Variants in TNFSF4 observed in about 807,000 individuals in gnomAD.
TNFSF4 encodes TNF superfamily member 4, also known as tumor necrosis factor ligand superfamily member 4.
TNFSF4 carries 4 observed loss-of-function variants against 7.3 expected under a neutral mutation model. The ratio of observed to expected loss-of-function variants is 0.55; its 90% confidence interval spans 0.27 to 1.25. TNFSF4 has a LOEUF of 1.25. Among genes scored for constraint, TNFSF4 ranks in the 50% most tolerant of loss-of-function variants. The pLI is 0.12. For missense variants in TNFSF4, 181 were observed against 208.8 expected, an observed-to-expected ratio of 0.87 and a Z score of 0.82; for synonymous variants, 76 against 83.7, an observed-to-expected ratio of 0.91 and a Z score of 0.50.
chr1:173,432,278 G>A, the TNFSF4 span, among the ~76,000 whole-genome samples: 2 of 152,216 alleles, frequency 1.3e-5, no homozygotes, highest in African/African-American at 4.8e-5. Context: ...ATCCAAACCA[G>A]AGTGTTATGA....
chr1:173,180,752 G>GTTTTT (rs1649042609), downstream of TNFSF4, among the ~76,000 whole-genome samples: 1 of 152,146 alleles, frequency 6.6e-6, no homozygotes, highest in Non-Finnish European at 1.5e-5. Context: ...AAATAATTTG[G>GTTTTT]TATATTTTAT....
chr1:173,314,713 T>C, the TNFSF4 span, among the ~76,000 whole-genome samples: 27 of 152,152 alleles, frequency 1.8e-4, no homozygotes, highest in Non-Finnish European at 3.8e-4. Context: ...AATTACTGAA[T>C]ATTTGATAAT....
At chr1:173,215,621 A>G in the TNFSF4 span, among the ~76,000 whole-genome samples, 3 of 152,234 alleles carry the variant, frequency 2.0e-5, no homozygotes, top group Admixed American at 6.5e-5. Context: ...CAAAACAAAC[A>G]AACAAAAAAC....
the TNFSF4 span, among the ~76,000 whole-genome samples, chr1:173,427,615 T>C: frequency 3.3e-5 from 5 of 152,226 alleles, no homozygotes; most frequent in Non-Finnish European, 7.3e-5. Flanking sequence ...AACCTGACTC[T>C]GATAAGTCTC....
At chr1:173,211,954 G>GA (rs1387296699), upstream of TNFSF4, among the ~76,000 whole-genome samples, 4 of 152,098 alleles carry the variant, frequency 2.6e-5, no homozygotes, top group African/African-American at 9.6e-5. Flanking sequence ...AACTTGTAAG[G>GA]AAAAAAAGGT....
the TNFSF4 span, among the ~76,000 whole-genome samples, chr1:173,225,886 G>T: frequency 6.6e-6 from 1 of 152,184 alleles, no homozygotes; most frequent in South Asian, 2.1e-4. Flanking sequence ...ACCAACTACA[G>T]ATATGAAGGA....
At chr1:173,326,110 A>C in the TNFSF4 span, among the ~76,000 whole-genome samples, 7 of 152,218 alleles carry the variant, frequency 4.6e-5, no homozygotes, top group Admixed American at 1.3e-4. Flanking sequence ...TGATGCAAAA[A>C]TCCTCAATAA....
the TNFSF4 span, among the ~76,000 whole-genome samples, chr1:173,353,780 T>C: frequency 1.3e-5 from 2 of 152,214 alleles, no homozygotes; most frequent in Non-Finnish European, 2.9e-5. Flanking sequence ...GTGAAAAACA[T>C]GTTTCTTTGG....
chr1:173,292,767 T>A, the TNFSF4 span, among the ~76,000 whole-genome samples: 1 of 151,866 alleles, frequency 6.6e-6, no homozygotes, highest in African/African-American at 2.4e-5. Flanking sequence ...GCCAAAAGGG[T>A]CCTAGAACTG....
At chr1:173,330,187 G>C in the TNFSF4 span, among the ~76,000 whole-genome samples, 5 of 151,930 alleles carry the variant, frequency 3.3e-5, no homozygotes, top group East Asian at 7.7e-4. Context: ...CTGTTCAAAA[G>C]CAATTCAACA....
At chr1:173,313,001 C>A in the TNFSF4 span, among the ~76,000 whole-genome samples, 1 of 152,104 alleles carries the variant, frequency 6.6e-6, no homozygotes, top group African/African-American at 2.4e-5. Context: ...AGATGCACAG[C>A]CCTGAGCAAG....
chr1:173,439,558 C>G, the TNFSF4 span, among the ~76,000 whole-genome samples: 2 of 152,148 alleles, frequency 1.3e-5, no homozygotes, highest in Non-Finnish European at 2.9e-5. Flanking sequence ...AGCCTGTGGC[C>G]TCAATCCTGC....
the TNFSF4 span, among the ~76,000 whole-genome samples, chr1:173,369,837 CT>C: frequency 2.6e-5 from 4 of 151,054 alleles, no homozygotes; most frequent in African/African-American, 7.3e-5. Flanking sequence ...TATGTCCAAG[CT>C]TTTTTTTTCA....
chr1:173,390,298 T>C, the TNFSF4 span, among the ~76,000 whole-genome samples: 1 of 152,208 alleles, frequency 6.6e-6, no homozygotes, highest in African/African-American at 2.4e-5. Context: ...TTTGTAGGTC[T>C]CTATGCATTG....
chr1:173,275,059 T>G, the TNFSF4 span, among the ~76,000 whole-genome samples: 1 of 152,162 alleles, frequency 6.6e-6, no homozygotes, highest in South Asian at 2.1e-4. Context: ...TAAGCTGACT[T>G]GCTGCCCTTT....
At chr1:173,342,081 C>T in the TNFSF4 span, among the ~76,000 whole-genome samples, 5 of 152,158 alleles carry the variant, frequency 3.3e-5, no homozygotes, top group African/African-American at 9.7e-5. Flanking sequence ...TGGTTGCCAA[C>T]AGCCTCTCCT....
At chr1:173,371,181 C>T in the TNFSF4 span, among the ~76,000 whole-genome samples, 1 of 152,208 alleles carries the variant, frequency 6.6e-6, no homozygotes, top group African/African-American at 2.4e-5. Context: ...CAGTGTTAAT[C>T]TCCTGCGCTG....
the TNFSF4 span, among the ~76,000 whole-genome samples, chr1:173,415,577 G>C: frequency 6.6e-6 from 1 of 152,222 alleles, no homozygotes; most frequent in African/African-American, 2.4e-5. Context: ...CCAAGGGGCA[G>C]CACTTGGCAG....
At chr1:173,419,824 A>T in the TNFSF4 span, among the ~76,000 whole-genome samples, 1 of 152,042 alleles carries the variant, frequency 6.6e-6, no homozygotes, top group Admixed American at 6.6e-5. Context: ...TTTAAAATAG[A>T]TTAACTATAG....
Sources: allele counts gnomAD v4.1 joint callset (sites outside exome capture counted in the v4.1 genomes callset), GRCh38; gene constraint gnomAD v4.1.1; transcripts MANE v1.5; gene names NCBI Gene and HGNC (gene_info 2026-07-23, HGNC 2026-07-21).